BCAS3: variants seen among roughly 807,000 people sequenced by gnomAD.
BCAS3 encodes the protein BCAS3 microtubule associated cell migration factor, also known as BCAS4/BCAS3 fusion.
BCAS3 carries 53 observed loss-of-function variants against 116.1 expected under a neutral mutation model. That is an observed-to-expected ratio of 0.46 (90% CI 0.37 to 0.57). BCAS3 has a LOEUF of 0.57. BCAS3 is among the 20% of genes least tolerant of loss of function. The pLI, the probability that BCAS3 is intolerant of heterozygous loss-of-function variation, is 0.00. For missense variants in BCAS3, 917 were observed against 1,165.4 expected (o/e 0.79, Z 3.10); for synonymous variants, 391 against 408.2 (o/e 0.96, Z 0.51).
chr17:61,275,126 C>T (rs1214633426), intron 22 of BCAS3, among the ~76,000 whole-genome samples: 1 of 152,120 alleles, frequency 6.6e-6, no homozygotes, highest in Non-Finnish European at 1.5e-5. Context: ...ACTAGGATTA[C>T]AGGCATTAGC....
chr17:61,076,699 C>T (rs1049577514), intron 20 of BCAS3, among the ~76,000 whole-genome samples: 5 of 152,192 alleles, frequency 3.3e-5, no homozygotes, highest in African/African-American at 4.8e-5. Flanking sequence ...GCCATCGCCT[C>T]GGTGAAATTG....
At chr17:61,123,956 CAT>C (rs1272608150) in intron 22 of BCAS3, among the ~76,000 whole-genome samples, 1 of 152,118 alleles carries the variant, frequency 6.6e-6, no homozygotes, top group Non-Finnish European at 1.5e-5. Context: ...GCCATAGTCT[CAT>C]GTGTCTAATC....
chr17:60,940,281 T>C (rs1045011870), intron 13 of BCAS3, among the ~76,000 whole-genome samples: 4 of 152,320 alleles, frequency 2.6e-5, no homozygotes, highest in South Asian at 4.1e-4. Context: ...AGTGTTTACT[T>C]CAGTGCCTTT....
Position 60,962,093 on chromosome 17 carries a change from C to T in BCAS3, c.1221+14741C>T, listed in dbSNP as rs903778234. On this transcript the variant is annotated intron_variant, in intron 14 of 23. Transcript: ENST00000407086. The surrounding 1 kb of genome is among the most constrained non-coding windows in gnomAD (Gnocchi z 4.4). ...CTTTATTTATTCATCTGTTGATGAA[C>T]TCTTAGAGTGATTCCATATTTTGGC... Among the ~76,000 whole-genome samples, 1 of 152,060 alleles carries T rather than the reference C, an allele frequency of 6.6e-6. No homozygotes were observed. Among genetic ancestry groups the T allele is most frequent in the African/African-American group, 2.4e-5 (1 of 41,380 alleles).
chr17:61,295,383 G>A (rs2052794284), intron 22 of BCAS3, among the ~76,000 whole-genome samples: 1 of 152,238 alleles, frequency 6.6e-6, no homozygotes, highest in South Asian at 2.1e-4. Flanking sequence ...CTCCTGGGGA[G>A]GATGAGCAGA....
rs548899499 is a variant in BCAS3 at position 61,069,996 on chromosome 17, G to A, written c.2030-4924G>A. 121 of 1,591,132 alleles carry A rather than the reference G, an allele frequency of 7.6e-5. No homozygotes were observed. In the East Asian group the frequency reaches 2.3e-3, roughly 31 times the overall value. ...GCCACAAAAAGAAGAAGATCCGCAC[G>A]TCACCCACCTTCCGGCAGCCGAAGA... On this transcript the variant is annotated intron_variant, in intron 19 of 23. Transcript: ENST00000407086.
chr17:60,846,192 AGT>A (rs1223462701), intron 7 of BCAS3, among the ~76,000 whole-genome samples: 3 of 152,120 alleles, frequency 2.0e-5, no homozygotes, highest in African/African-American at 7.2e-5. Flanking sequence ...GATCTCCCAA[AGT>A]GTTGGGATTA....
At chr17:61,342,587 G>T (rs1191506361) in intron 22 of BCAS3, among the ~76,000 whole-genome samples, 4 of 152,176 alleles carry the variant, frequency 2.6e-5, no homozygotes, top group African/African-American at 9.7e-5. Flanking sequence ...CAGGTAGAGA[G>T]CCCAAGCCCA....
chr17:60,910,385 C>CA, intron 11 of BCAS3, 147 bp from the exon 12 acceptor site: 2 of 580,578 alleles, frequency 3.4e-6, no homozygotes, highest in Non-Finnish European at 5.4e-6. Flanking sequence ...CATTAAAAGT[C>CA]AGACTGAATG....
intron 15 of BCAS3, among the ~76,000 whole-genome samples, chr17:60,997,712 A>AGG (rs2063932362): frequency 6.6e-6 from 1 of 152,354 alleles, no homozygotes; most frequent in South Asian, 2.1e-4. Context: ...TTCTTCAGGT[A>AGG]CACATTCAAC....
intron 9 of BCAS3, among the ~76,000 whole-genome samples, chr17:60,888,308 TGA>T (rs1221518913): frequency 6.6e-6 from 1 of 152,232 alleles, no homozygotes; most frequent in Admixed American, 6.5e-5. Context: ...CAGAATTTAT[TGA>T]GAGTTAGATT....
intron 5 of BCAS3, among the ~76,000 whole-genome samples, chr17:60,710,710 T>C (rs7221899): frequency 0.6 from 90,876 of 151,780 alleles, 29,999 homozygotes; most frequent in East Asian, 0.88. Context: ...GGATTACAGG[T>C]GTGAGCCACC....
At chr17:60,870,044 A>C (rs923515663) in intron 8 of BCAS3, among the ~76,000 whole-genome samples, 9 of 152,194 alleles carry the variant, frequency 5.9e-5, no homozygotes, top group African/African-American at 2.2e-4. Flanking sequence ...ATTAATCGCA[A>C]AATATGGTTG....
chr17:60,762,606 G>T (rs1598527441), intron 6 of BCAS3, among the ~76,000 whole-genome samples: 1 of 152,294 alleles, frequency 6.6e-6, no homozygotes, highest in East Asian at 1.9e-4. Context: ...CTGTAGCCAT[G>T]TAGTATAGTT....
chr17:61,027,722 C>G lies in BCAS3; in HGVS notation c.1638-6944C>G, dbSNP rs558513836. ...TGATTTGGGGGGAGTTTTCTAAAACCTTTCTATTTCTTATTTCCTTATGTA... is the reference window on the plus strand; with the variant it reads ...TGATTTGGGGGGAGTTTTCTAAAACGTTTCTATTTCTTATTTCCTTATGTA... On this transcript the variant is annotated intron_variant, in intron 16 of 23. Coordinates refer to ENST00000407086, the MANE Select transcript of BCAS3 (RefSeq NM_017679.5). Among the ~76,000 whole-genome samples, 4 of 151,876 alleles carry G rather than the reference C, an allele frequency of 2.6e-5. 1 individual carries two copies. In the East Asian group the frequency reaches 5.8e-4, roughly 22 times the overall value.
chr17:61,157,229 G>T (rs1391185744), intron 22 of BCAS3, among the ~76,000 whole-genome samples: 1 of 151,970 alleles, frequency 6.6e-6, no homozygotes, highest in Non-Finnish European at 1.5e-5. Context: ...ATTCATTTTG[G>T]CTCTCCCTTG....
intron 5 of BCAS3, among the ~76,000 whole-genome samples, chr17:60,728,549 G>C (rs1404047778): frequency 2.0e-5 from 3 of 151,830 alleles, no homozygotes; most frequent in Admixed American, 2.0e-4. Context: ...GGGTGATCTT[G>C]GCTCACTGCA....
In BCAS3 at chr17:61,056,775, T is replaced by C. The variant is rs971695820; in HGVS notation, c.2029+15883T>C. ...TATTAAGTGATGTACTACTGCATGC[T>C]CTCAGATATTGAGACACAGAGGTGT... On this transcript the variant is annotated intron_variant, in intron 19 of 23. Coordinates refer to ENST00000407086, the MANE Select transcript of BCAS3 (RefSeq NM_017679.5). The surrounding 1 kb of genome is among the most constrained non-coding windows in gnomAD (Gnocchi z 4.9). Among the ~76,000 whole-genome samples, 1 of 152,244 alleles carries C rather than the reference T, an allele frequency of 6.6e-6. No individual in the cohort carries two copies. Among genetic ancestry groups the C allele is most frequent in the African/African-American group, 2.4e-5 (1 of 41,470 alleles).
intron 5 of BCAS3, chr17:60,727,379 T>C: frequency 6.3e-7 from 1 of 1,581,080 alleles, no homozygotes; most frequent in Non-Finnish European, 8.7e-7. Context: ...CCTCTTTCCC[T>C]GGGCATACAA....
Sources: gnomAD v4.1 joint callset for allele counts (sites outside exome capture counted in the v4.1 genomes callset) on GRCh38, gnomAD v4.1.1 for gene constraint, Gnocchi (gnomAD v3.1) non-coding constraint, MANE v1.5 for transcripts, NCBI Gene and HGNC (gene_info 2026-07-23, HGNC 2026-07-21) for gene names.